RPH3AL: variants seen among roughly 807,000 people sequenced by gnomAD.
RPH3AL encodes the protein rabphilin 3A like (without C2 domains), also known as rab effector Noc2.
Under a neutral mutation model 43.1 loss-of-function variants are expected in RPH3AL, and 38 were observed. That is an observed-to-expected ratio of 0.88 (90% CI 0.68 to 1.15). RPH3AL has a LOEUF of 1.15. Among genes scored for constraint, RPH3AL ranks in the 50% most tolerant of loss-of-function variants. The pLI is 0.00. For missense variants in RPH3AL, 462 were observed against 423.2 expected, an observed-to-expected ratio of 1.09 and a Z score of -0.81; for synonymous variants, 189 against 176.3, an observed-to-expected ratio of 1.07 and a Z score of -0.57.
At chr17:234,929 T>C (rs2041327212) in intron 7 of RPH3AL, among the ~76,000 whole-genome samples, 1 of 152,098 alleles carries the variant, frequency 6.6e-6, no homozygotes, top group Non-Finnish European at 1.5e-5. Context: ...AATAAAACAT[T>C]TTACAATCCA....
At chr17:260,239 G>T (rs1259527573) in intron 6 of RPH3AL, among the ~76,000 whole-genome samples, 1 of 152,200 alleles carries the variant, frequency 6.6e-6, no homozygotes, top group Admixed American at 6.5e-5. Context: ...TCCCCGGAGG[G>T]CTTCAGTGGG....
chr17:258,757 G>GTTTTTTTTTTTTT (rs372761475), intron 6 of RPH3AL, among the ~76,000 whole-genome samples: 1 of 98,770 alleles, frequency 1.0e-5, no homozygotes, highest in Non-Finnish European at 2.1e-5. Context: ...TAGTCAACCC[G>GTTTTTTTTTTTTT]TTTTTTTTTT....
chr17:277,810 G>C lies in RPH3AL; in HGVS notation c.438+3958C>G, dbSNP rs116126369. On this transcript the variant is annotated intron_variant, in intron 6 of 9. Coordinates refer to ENST00000331302, the MANE Select transcript of RPH3AL (RefSeq NM_006987.4). ...GTCTCTACAAAAATGCAAAAAATTA[G>C]CTGGGCGTGGTGGTACAGCCTGTAG... is the stretch of plus-strand genomic sequence containing the variant. Among the ~76,000 whole-genome samples, 524 of 152,130 alleles carry C rather than the reference G, an allele frequency of 3.4e-3. 3 individuals are homozygous for C. Among genetic ancestry groups the C allele is most frequent in the African/African-American group, 0.011 (473 of 41,486 alleles).
At chr17:304,318 G>C (rs1436780349) in intron 5 of RPH3AL, among the ~76,000 whole-genome samples, 1 of 151,926 alleles carries the variant, frequency 6.6e-6, no homozygotes, top group African/African-American at 2.4e-5. Context: ...CCAGGTGAGA[G>C]ACCTGAAGCA....
rs533429873 is a variant in RPH3AL at position 333,323 on chromosome 17, A to C, written c.-37+436T>G. ...CGGTAGGATATTTTATCCTAAAGAGAAAACACCTTAAATTCTCACATCAGC... is the reference window on the plus strand; with the variant it reads ...CGGTAGGATATTTTATCCTAAAGAGCAAACACCTTAAATTCTCACATCAGC... On this transcript the variant is annotated intron_variant, in intron 2 of 9. Transcript: ENST00000331302. The surrounding 1 kb of genome is among the most constrained non-coding windows in gnomAD (Gnocchi z 4.5). 2.1e-5 allele frequency: 27 copies of C among 1,278,316 alleles called. No homozygotes were observed. The highest frequency in any genetic ancestry group is 2.4e-5 in the Non-Finnish European group (24 of 980,868). 79.2% of individuals were successfully genotyped at this position (1,278,316 alleles called of 1,614,324 possible). A position where few individuals can be genotyped will look rare whatever the true frequency, so the allele number is the denominator to read the frequency against.
intron 5 of RPH3AL, among the ~76,000 whole-genome samples, chr17:295,684 G>T (rs375764135): frequency 7.4e-5 from 1 of 13,564 alleles, no homozygotes. Context: ...AGAAATGGAT[G>T]GACAGAGGGA....
At chr17:227,410 C>G (rs979804949) in intron 7 of RPH3AL, among the ~76,000 whole-genome samples, 2 of 152,186 alleles carry the variant, frequency 1.3e-5, no homozygotes, top group African/African-American at 4.8e-5. Flanking sequence ...GTGGAGAGGC[C>G]TGGCCTGGGA....
chr17:241,920 T>C (rs35445227), intron 7 of RPH3AL, among the ~76,000 whole-genome samples: 24,997 of 151,796 alleles, frequency 0.16, 2,143 homozygotes, highest in South Asian at 0.2. Flanking sequence ...GGTTTGAGGC[T>C]AGCCTGGCCA....
At chr17:314,409 C>T (rs1555518061) in intron 5 of RPH3AL, among the ~76,000 whole-genome samples, 3 of 131,260 alleles carry the variant, frequency 2.3e-5, no homozygotes, top group African/African-American at 7.2e-5. Context: ...TCTCTGTGCC[C>T]CACCTCCACT....
At chr17:336,948 C>A (rs560316247) in intron 1 of RPH3AL, among the ~76,000 whole-genome samples, 10 of 152,290 alleles carry the variant, frequency 6.6e-5, no homozygotes, top group African/African-American at 2.4e-4. Context: ...GGCTCCCATT[C>A]GGCTTGAGCC....
intron 7 of RPH3AL, among the ~76,000 whole-genome samples, chr17:242,953 ACCTTCCTCTATTGAC>A (rs1555537753): frequency 1.9e-4 from 24 of 129,616 alleles, no homozygotes; most frequent in Admixed American, 3.0e-4. Flanking sequence ...TCTATTGACT[ACCTTCCTCTATTGAC>A]TACCTTCCTC....
At chr17:247,336 C>T in intron 6 of RPH3AL, 51 bp from the exon 7 acceptor site, 1 of 1,486,686 alleles carries the variant, frequency 6.7e-7, no homozygotes, top group East Asian at 2.3e-5. Context: ...AGGAGCCTCC[C>T]CTCCTGCTCC....
chr17:239,165 G>T (rs76803668), intron 7 of RPH3AL, among the ~76,000 whole-genome samples: 1,666 of 152,294 alleles, frequency 0.011, 37 homozygotes, highest in African/African-American at 0.038. Context: ...AGCGTCCAGG[G>T]GAGGGAGAGA....
chr17:255,919 C>T (rs193093664), intron 6 of RPH3AL, among the ~76,000 whole-genome samples: 21 of 43,006 alleles, frequency 4.9e-4, no homozygotes, highest in African/African-American at 1.2e-3. Flanking sequence ...ATGAGGGGAG[C>T]CGCACGGCGT....
At chr17:351,515 C>A (rs1273831601) in intron 1 of RPH3AL, among the ~76,000 whole-genome samples, 2 of 151,996 alleles carry the variant, frequency 1.3e-5, no homozygotes, top group African/African-American at 4.8e-5. Context: ...AAGTACAGAC[C>A]CACCTCCCAT....
At chr17:260,771 A>G (rs2151570745) in intron 6 of RPH3AL, among the ~76,000 whole-genome samples, 1 of 152,166 alleles carries the variant, frequency 6.6e-6, no homozygotes, top group South Asian at 2.1e-4. Flanking sequence ...CAGCAGGCCA[A>G]CAACACCCCA....
intron 5 of RPH3AL, among the ~76,000 whole-genome samples, chr17:309,757 G>T (rs1010163400): frequency 6.6e-6 from 1 of 151,020 alleles, no homozygotes; most frequent in Non-Finnish European, 1.5e-5. Flanking sequence ...CCTGCCCCAG[G>T]CTCCTGCCAG....
chr17:336,593 C>T lies in RPH3AL; in HGVS notation c.-212-2659G>A, dbSNP rs114506534. ...TGCCTTGGAACCTGCTGGGGCTCCCCGTTGCCCCTCTTCACGTACAGCCAG... is the reference window on the plus strand; with the variant it reads ...TGCCTTGGAACCTGCTGGGGCTCCCTGTTGCCCCTCTTCACGTACAGCCAG... On this transcript the variant is annotated intron_variant, in intron 1 of 9. Transcript: ENST00000331302. 4.0e-3 allele frequency among the ~76,000 whole-genome samples: 608 copies of T among 152,270 alleles called. 2 individuals are homozygous for T. Among genetic ancestry groups the T allele is most frequent in the Non-Finnish European group, 5.5e-3 (372 of 68,028 alleles).
chr17:291,655 A>G (rs1032206154), intron 5 of RPH3AL, among the ~76,000 whole-genome samples: 2 of 152,236 alleles, frequency 1.3e-5, no homozygotes, highest in Non-Finnish European at 2.9e-5. Flanking sequence ...GCCAGAAACC[A>G]AATCTTCAAA....
Sources: gnomAD v4.1 joint callset for allele counts (sites outside exome capture counted in the v4.1 genomes callset) on GRCh38, gnomAD v4.1.1 for gene constraint, Gnocchi (gnomAD v3.1) non-coding constraint, MANE v1.5 for transcripts, NCBI Gene and HGNC (gene_info 2026-07-23, HGNC 2026-07-21) for gene names.